EIF4ENIF1: variants seen among roughly 807,000 people sequenced by gnomAD.
EIF4ENIF1 encodes the protein eukaryotic translation initiation factor 4E transporter.
Under a neutral mutation model 110.5 loss-of-function variants are expected in EIF4ENIF1, and 23 were observed. The observed-to-expected ratio is 0.21, with a 90% CI of 0.15 to 0.29. EIF4ENIF1 has a LOEUF of 0.29. EIF4ENIF1 is among the 10% of genes least tolerant of loss of function. The pLI, the probability that EIF4ENIF1 is intolerant of heterozygous loss-of-function variation, is 1.00. For synonymous variants in EIF4ENIF1, 440 were observed against 437.0 expected, an observed-to-expected ratio of 1.01 and a Z score of -0.09; for missense variants, 1,031 against 1,221.1, an observed-to-expected ratio of 0.84 and a Z score of 2.32.
rs1453746414 is a variant in EIF4ENIF1 at position 31,441,940 on chromosome 22, C to G, written c.2385G>C (p.Leu795Phe). ...PKATGRKTPTLASPVPTTPFL... is the reference protein window; with the variant it reads ...PKATGRKTPTFASPVPTTPFL... The stretch of plus-strand genomic sequence containing the variant: ...AAGGTGTTGTAGGAACTGGGGATGC[C>G]AAGGTGGGTGTTTTTCTCCCAGTTG... Residue 795 changes from leucine (L) to phenylalanine (F), a missense_variant, in exon 17 of 19, where the codon TTG (leucine) becomes TTC (phenylalanine). Physicochemically the swap from Leu to Phe is conservative, Grantham distance 22 (BLOSUM62 0). Around this residue, in one of 3 missense-constraint regions of EIF4ENIF1, gnomAD observed 309 missense variants for 299.1 expected, o/e 1.03. Coordinates refer to ENST00000330125, the MANE Select transcript of EIF4ENIF1 (RefSeq NM_019843.4). The G allele has an allele frequency of 1.2e-6, 2 of 1,613,974 alleles. No individual in the cohort carries two copies. Among genetic ancestry groups the G allele is most frequent in the African/African-American group, 1.3e-5 (1 of 74,880 alleles).
intron 2 of EIF4ENIF1, among the ~76,000 whole-genome samples, chr22:31,476,284 G>C (rs960229930): frequency 3.9e-5 from 6 of 152,070 alleles, no homozygotes; most frequent in African/African-American, 4.8e-5. Context: ...GTGGTGTTTT[G>C]TTTGAAACTT....
intron 3 of EIF4ENIF1, among the ~76,000 whole-genome samples, chr22:31,470,517 G>T (rs1230010431): frequency 6.6e-6 from 1 of 152,048 alleles, no homozygotes; most frequent in Non-Finnish European, 1.5e-5. Flanking sequence ...CTGACCTTGT[G>T]ATCTGCCCGC....
At chr22:31,440,946 C>G in intron 17 of EIF4ENIF1, 78 bp from the exon 18 acceptor site, 1 of 1,562,200 alleles carries the variant, frequency 6.4e-7, no homozygotes, top group East Asian at 2.3e-5. Context: ...TACAGTTTTG[C>G]TGATCTGGAA....
intron 4 of EIF4ENIF1, among the ~76,000 whole-genome samples, chr22:31,464,687 A>T (rs1466214862): frequency 6.0e-4 from 21 of 35,276 alleles, no homozygotes; most frequent in South Asian, 7.9e-4. Context: ...AAAAAAAAAA[A>T]AAAAAAAAAA....
At chr22:31,444,717 A>G (rs2050407637) in intron 14 of EIF4ENIF1, 27 bp from the exon 15 acceptor site, 1 of 1,607,292 alleles carries the variant, frequency 6.2e-7, no homozygotes. Flanking sequence ...TATCAGCATG[A>G]ACCCCAATCT....
At chr22:31,485,746 G>T (rs532664006) in intron 2 of EIF4ENIF1, among the ~76,000 whole-genome samples, 5 of 152,078 alleles carry the variant, frequency 3.3e-5, no homozygotes, top group African/African-American at 1.2e-4. Flanking sequence ...GGAGGTTGCA[G>T]TGAGCCAAGA....
At chr22:31,448,642 G>C (rs138973169) in intron 12 of EIF4ENIF1, among the ~76,000 whole-genome samples, 7 of 152,350 alleles carry the variant, frequency 4.6e-5, no homozygotes, top group African/African-American at 1.7e-4. Flanking sequence ...GCAGGAGCCA[G>C]AGTGGCCAGC....
chr22:31,475,267 G>GA lies in EIF4ENIF1; in HGVS notation c.97-3351dup, dbSNP rs34004277. Among the ~76,000 whole-genome samples the GA allele has an allele frequency of 5.0e-3, 761 of 151,622 alleles. 3 individuals are homozygous for GA. The highest frequency in any genetic ancestry group is 7.7e-3 in the Non-Finnish European group (523 of 67,900). ...ATACCTAAAGGCTGTTCAAAATTCTGAAAAAAAACTGTCAAAGAACATACA... is the reference window on the plus strand; with the variant it reads ...ATACCTAAAGGCTGTTCAAAATTCTGAAAAAAAAACTGTCAAAGAACATACA... On this transcript the variant is annotated intron_variant, in intron 2 of 18. Transcript: ENST00000330125.
upstream of EIF4ENIF1, among the ~76,000 whole-genome samples, chr22:31,490,753 T>C (rs1244956706): frequency 6.6e-6 from 1 of 152,184 alleles, no homozygotes; most frequent in African/African-American, 2.4e-5. Flanking sequence ...TGTGCTGGAA[T>C]ACCACAAGCA....
downstream of EIF4ENIF1, chr22:31,437,402 C>T (rs2050186100): frequency 6.6e-6 from 1 of 151,928 alleles, no homozygotes; most frequent in South Asian, 2.1e-4. Context: ...CATCCTATAT[C>T]AAGGTCTTAG....
At chr22:31,483,192 C>T (rs2051888230) in intron 2 of EIF4ENIF1, among the ~76,000 whole-genome samples, 1 of 147,456 alleles carries the variant, frequency 6.8e-6, no homozygotes, top group Admixed American at 6.8e-5. Flanking sequence ...GAATGAGCAC[C>T]ACTGCCAGGA....
rs755832199 is a variant in EIF4ENIF1 at position 31,468,186 on chromosome 22, C to G, written c.287G>C (p.Arg96Pro). Residue 96 changes from arginine to proline, a missense_variant, in exon 4 of 19, where the codon CGC becomes CCC. Arg to Pro is a moderately radical substitution (Grantham distance 103). Transcript: ENST00000330125. ...ELDTDRPSLV[R>P]RIVDPRERVK... ...GACTGTGTGCTCACCTACTATCCTG[C>G]GCACCAGGGAAGGCCGGTCTGTATC... The G allele has an allele frequency of 1.9e-6, 3 of 1,613,930 alleles. No individual in the cohort carries two copies. The highest frequency in any genetic ancestry group is 1.7e-6 in the Non-Finnish European group (2 of 1,179,958).
Position 31,445,955 on chromosome 22 carries a change from C to G in EIF4ENIF1, c.1989-1265G>C, listed in dbSNP as rs566369600. Among the ~76,000 whole-genome samples, 16 of 135,530 alleles carry G rather than the reference C, an allele frequency of 1.2e-4. 2 individuals are homozygous for G. The East Asian group carries it at 2.0e-3, about 17-fold the overall frequency. 88.9% of individuals were successfully genotyped at this position (135,530 alleles called of 152,430 possible). A position where few individuals can be genotyped will look rare whatever the true frequency, so the allele number is the denominator to read the frequency against. ...TCTGTAAAATGCAGTTACGTACCGC[C>G]CCCCCCCCCCATCTACCTCACAGGG... On this transcript the variant is annotated intron_variant, in intron 14 of 18. Transcript: ENST00000330125.
intron 2 of EIF4ENIF1, among the ~76,000 whole-genome samples, chr22:31,485,017 G>A (rs2051966304): frequency 6.6e-5 from 10 of 152,160 alleles, no homozygotes; most frequent in Admixed American, 6.5e-4. Context: ...TATAGTGCTA[G>A]GAACACATAA....
chr22:31,483,732 C>A (rs1280729414), intron 2 of EIF4ENIF1, among the ~76,000 whole-genome samples: 6 of 152,152 alleles, frequency 3.9e-5, no homozygotes, highest in Non-Finnish European at 7.3e-5. Flanking sequence ...TAAACCATAA[C>A]TTTCAGGTGA....
intron 2 of EIF4ENIF1, among the ~76,000 whole-genome samples, chr22:31,487,894 T>C (rs1331977146): frequency 1.3e-5 from 2 of 152,034 alleles, no homozygotes; most frequent in East Asian, 3.8e-4. Context: ...TCCCAACTGC[T>C]TCAACACTGT....
intron 15 of EIF4ENIF1, 150 bp from the exon 16 acceptor site, chr22:31,443,244 A>G (rs1483247505): frequency 3.5e-6 from 4 of 1,156,136 alleles, no homozygotes; most frequent in Admixed American, 2.8e-5. Flanking sequence ...CTGCTGGAGG[A>G]AAAACAGAAT....
At position 31,449,497 on chromosome 22, in the gene EIF4ENIF1, G is replaced by A. The variant is rs2050582911; in HGVS notation, c.1619C>T (p.Ser540Phe). ...LLGQPVQRPA[S>F]SNLLSGLMGS... is the part of the protein sequence containing the mutation. ...CATAAGGCCACTCAGAAGATTGGAA[G>A]AAGCAGGTCTCTGAACTGGTTGACC... Residue 540 changes from serine to phenylalanine, a missense_variant, in exon 12 of 19, where the codon TCT becomes TTT. By Grantham distance (155) the Ser-to-Phe change is radical. Coordinates refer to ENST00000330125, the MANE Select transcript of EIF4ENIF1 (RefSeq NM_019843.4). 1 of 1,613,948 alleles carries A rather than the reference G, an allele frequency of 6.2e-7. No individual in the cohort carries two copies. The highest frequency in any genetic ancestry group is 1.3e-5 in the African/African-American group (1 of 74,920).
At chr22:31,491,371 T>G (rs550169230), upstream of EIF4ENIF1, among the ~76,000 whole-genome samples, 5 of 152,290 alleles carry the variant, frequency 3.3e-5, no homozygotes, top group East Asian at 7.7e-4. Flanking sequence ...CCCTTTAGTG[T>G]CTTGGAGACT....
Sources: gnomAD v4.1 joint callset for allele counts (sites outside exome capture counted in the v4.1 genomes callset) on GRCh38, gnomAD v4.1.1 for gene constraint, gnomAD v4.1.1 regional missense constraint, MANE v1.5 for transcripts, NCBI Gene and HGNC (gene_info 2026-07-23, HGNC 2026-07-21) for gene names.